The following PPFIA1 variants were observed in gnomAD, a reference collection of about 807,000 sequenced individuals.
PPFIA1 encodes the protein liprin-alpha-1.
Under a neutral mutation model 149.9 loss-of-function variants are expected in PPFIA1, and 25 were observed. The ratio of observed to expected loss-of-function variants is 0.17; its 90% CI spans 0.12 to 0.23. The LOEUF is 0.23. PPFIA1 is among the 10% of genes least tolerant of loss of function. The probability of loss-of-function intolerance (pLI) is 1.00; values close to 1 mark genes in which losing one functional copy is unlikely to be tolerated. For synonymous variants in PPFIA1, 549 were observed against 552.8 expected (o/e 0.99, Z 0.10); for missense variants, 1,362 against 1,506.5 (o/e 0.90, Z 1.59).
chr11:70,360,408 G>T (rs532152216), intron 19 of PPFIA1, among the ~76,000 whole-genome samples: 1 of 152,264 alleles, frequency 6.6e-6, no homozygotes, highest in Non-Finnish European at 1.5e-5. Context: ...CTGAGCGTAA[G>T]TTGGGAACCC....
At chr11:70,301,155 A>G (rs2052462883) in intron 2 of PPFIA1, among the ~76,000 whole-genome samples, 1 of 152,212 alleles carries the variant, frequency 6.6e-6, no homozygotes, top group Non-Finnish European at 1.5e-5. Context: ...CTGTTTTGCC[A>G]TCTATAAAAT....
chr11:70,321,251 T>G (rs1380459722), intron 2 of PPFIA1: 2 of 152,342 alleles, frequency 1.3e-5, no homozygotes, highest in African/African-American at 2.4e-5. Flanking sequence ...GATGTCTTGC[T>G]TCTGAACTTC....
intron 19 of PPFIA1, among the ~76,000 whole-genome samples, chr11:70,357,780 G>A (rs1300097127): frequency 6.6e-6 from 1 of 151,948 alleles, no homozygotes; most frequent in Non-Finnish European, 1.5e-5. Context: ...GTAGAGACGG[G>A]GTTTCACCAT....
intron 2 of PPFIA1, among the ~76,000 whole-genome samples, chr11:70,289,975 A>T (rs2051416276): frequency 6.6e-6 from 1 of 152,144 alleles, no homozygotes; most frequent in South Asian, 2.1e-4. Context: ...CACACTTGTA[A>T]TCCCACACTT....
chr11:70,279,722 GGTGTGTGT>G (rs71046599), intron 2 of PPFIA1, among the ~76,000 whole-genome samples: 3,627 of 135,380 alleles, frequency 0.027, 58 homozygotes, highest in African/African-American at 0.052. Flanking sequence ...TATGTGTCTA[GGTGTGTGT>G]GTGTGTGTGT....
At chr11:70,344,931 C>G (rs1476783352) in intron 15 of PPFIA1, among the ~76,000 whole-genome samples, 1 of 152,212 alleles carries the variant, frequency 6.6e-6, no homozygotes, top group Non-Finnish European at 1.5e-5. Context: ...AGGACAGTCC[C>G]GGCTCAATCT....
intron 2 of PPFIA1, among the ~76,000 whole-genome samples, chr11:70,295,682 G>C (rs1318495969): frequency 8.2e-5 from 12 of 147,228 alleles, no homozygotes; most frequent in Admixed American, 6.7e-4. Context: ...GGCCGGGCCG[G>C]GGGCTGACCC....
chr11:70,309,612 T>C (rs1464127970), intron 2 of PPFIA1, among the ~76,000 whole-genome samples: 1 of 150,782 alleles, frequency 6.6e-6, no homozygotes, highest in Non-Finnish European at 1.5e-5. Flanking sequence ...GAAACTCCCA[T>C]GAAAAAATCC....
Position 70,299,610 on chromosome 11 carries a change from C to T in PPFIA1, c.265-24792C>T, listed in dbSNP as rs115331939. ...CCCTGTGTTTTGTGATTGTTTCAGACGTGTCCATTGGGTGTCCTGCTGTCT... is the reference window on the plus strand; with the variant it reads ...CCCTGTGTTTTGTGATTGTTTCAGATGTGTCCATTGGGTGTCCTGCTGTCT... On this transcript the variant is annotated intron_variant, in intron 2 of 27. Transcript: ENST00000253925. 6.0e-3 allele frequency among the ~76,000 whole-genome samples: 916 copies of T among 152,262 alleles called. 10 individuals are homozygous for T. The highest frequency in any genetic ancestry group is 0.02 in the African/African-American group (828 of 41,538).
chr11:70,354,532 T>G (rs1015199209), intron 17 of PPFIA1, 80 bp downstream of exon 17: 47 of 1,422,248 alleles, frequency 3.3e-5, no homozygotes, highest in Middle Eastern at 3.9e-4. Context: ...AATCTTTCCT[T>G]GAGTAAAACA....
At chr11:70,302,377 C>G (rs1040733287) in intron 2 of PPFIA1, among the ~76,000 whole-genome samples, 1 of 152,118 alleles carries the variant, frequency 6.6e-6, no homozygotes, top group Non-Finnish European at 1.5e-5. Flanking sequence ...TGTGAGCTCA[C>G]AGGAAGGTGG....
chr11:70,349,231 G>A (rs960344089), intron 16 of PPFIA1, among the ~76,000 whole-genome samples: 1 of 151,664 alleles, frequency 6.6e-6, no homozygotes, highest in Non-Finnish European at 1.5e-5. Context: ...TAAGGAAGCA[G>A]ATGGGCTTCT....
intron 19 of PPFIA1, among the ~76,000 whole-genome samples, chr11:70,360,655 TG>T (rs1473594726): frequency 6.6e-6 from 1 of 152,264 alleles, no homozygotes; most frequent in Non-Finnish European, 1.5e-5. Flanking sequence ...ACCTGGTGAT[TG>T]GCGCCATGCA....
chr11:70,331,322 T>C (rs1392187504), intron 8 of PPFIA1, among the ~76,000 whole-genome samples: 1 of 151,506 alleles, frequency 6.6e-6, no homozygotes, highest in Non-Finnish European at 1.5e-5. Context: ...TAATTACGAG[T>C]ATCACTGTAT....
intron 2 of PPFIA1, among the ~76,000 whole-genome samples, chr11:70,281,759 C>T (rs990198532): frequency 3.3e-5 from 5 of 152,190 alleles, no homozygotes; most frequent in Admixed American, 2.6e-4. Context: ...GGACTCACCT[C>T]AGTGGGCCTC....
intron 21 of PPFIA1, chr11:70,367,634 G>T (rs2057012762): frequency 2.2e-6 from 1 of 454,638 alleles, no homozygotes; most frequent in Non-Finnish European, 4.4e-6. Flanking sequence ...GAAGAGGTGG[G>T]TCTCCCTGGG....
At chr11:70,298,493 C>G (rs2052246401) in intron 2 of PPFIA1, among the ~76,000 whole-genome samples, 1 of 152,156 alleles carries the variant, frequency 6.6e-6, no homozygotes. Context: ...CTGGCACTTT[C>G]TTTTTTGTGT....
chr11:70,300,728 T>C (rs1404827339), intron 2 of PPFIA1, among the ~76,000 whole-genome samples: 1 of 152,090 alleles, frequency 6.6e-6, no homozygotes, highest in Non-Finnish European at 1.5e-5. Context: ...AGAGACAGGG[T>C]TTCACCATGT....
intron 2 of PPFIA1, among the ~76,000 whole-genome samples, chr11:70,284,604 A>G (rs945231949): frequency 9.2e-5 from 14 of 152,178 alleles, no homozygotes; most frequent in Non-Finnish European, 1.9e-4. Context: ...GAAGAAATCC[A>G]TGATCTCGAC....
Sources: allele counts gnomAD v4.1 joint callset (sites outside exome capture counted in the v4.1 genomes callset), GRCh38; gene constraint gnomAD v4.1.1; transcripts MANE v1.5; gene names NCBI Gene and HGNC (gene_info 2026-07-23, HGNC 2026-07-21).